KDM4C: variants seen among roughly 807,000 people sequenced by gnomAD.
The protein encoded by KDM4C is lysine-specific demethylase 4C.
In KDM4C, 81 loss-of-function variants were observed where a neutral mutation model predicts 129.3. The ratio of observed to expected loss-of-function variants is 0.63; its 90% CI spans 0.52 to 0.75. The LOEUF is 0.75. Among genes scored for constraint, KDM4C ranks in the 30% least tolerant of loss-of-function variants. The pLI is 0.00. For synonymous variants in KDM4C, 573 were observed against 456.1 expected (o/e 1.26, Z -3.26); for missense variants, 1,457 against 1,304.0 (o/e 1.12, Z -1.81).
intron 8 of KDM4C, among the ~76,000 whole-genome samples, chr9:6,942,282 A>AGTGTGTCTGT (rs1554657645): frequency 1.4e-4 from 20 of 142,712 alleles, no homozygotes; most frequent in African/African-American, 4.4e-4. Context: ...TAGCCCTCAA[A>AGTGTGTCTGT]GTGTGTGTGT....
intron 4 of KDM4C, among the ~76,000 whole-genome samples, chr9:6,844,033 C>G (rs944438846): frequency 2.0e-5 from 3 of 152,110 alleles, no homozygotes; most frequent in Admixed American, 1.3e-4. Context: ...TGAGGTCTCT[C>G]TCTTTATTGC....
At chr9:7,158,106 T>G (rs570199702) in intron 19 of KDM4C, among the ~76,000 whole-genome samples, 1 of 152,304 alleles carries the variant, frequency 6.6e-6, no homozygotes, top group Non-Finnish European at 1.5e-5. Context: ...GTCCAGGAAT[T>G]TATCCATTTC....
At chr9:7,115,675 C>G (rs1378126391) in intron 18 of KDM4C, among the ~76,000 whole-genome samples, 1 of 152,178 alleles carries the variant, frequency 6.6e-6, no homozygotes, top group Non-Finnish European at 1.5e-5. Context: ...GAAATAACTT[C>G]CAATATTTCT....
intron 5 of KDM4C, among the ~76,000 whole-genome samples, chr9:6,864,585 C>G (rs1249854480): frequency 6.6e-6 from 1 of 151,872 alleles, no homozygotes; most frequent in Non-Finnish European, 1.5e-5. Flanking sequence ...ATTCTGCTGC[C>G]TCAGCCCTCC....
chr9:6,806,648 A>G (rs189523198), intron 3 of KDM4C, among the ~76,000 whole-genome samples: 1 of 151,986 alleles, frequency 6.6e-6, no homozygotes, highest in Non-Finnish European at 1.5e-5. Context: ...TGGCTGGGCT[A>G]CAGTCATCTG....
chr9:7,166,354 G>A (rs1189299540), intron 20 of KDM4C, among the ~76,000 whole-genome samples: 1 of 152,172 alleles, frequency 6.6e-6, no homozygotes, highest in African/African-American at 2.4e-5. Flanking sequence ...GGTGTTCAAA[G>A]AAGTTTGAAA....
chr9:6,971,072 A>AT, intron 8 of KDM4C, among the ~76,000 whole-genome samples: 1 of 152,198 alleles, frequency 6.6e-6, no homozygotes, highest in Non-Finnish European at 1.5e-5. Context: ...ATTTAAAAAA[A>AT]TTTTTGTGCC....
upstream of KDM4C, chr9:6,757,592 C>G (rs1818434656): frequency 2.0e-6 from 2 of 979,300 alleles, no homozygotes; most frequent in Non-Finnish European, 2.4e-6. Flanking sequence ...CAGTACATTC[C>G]GAGGCTCCAC....
At chr9:6,947,532 G>A (rs1412508336) in intron 8 of KDM4C, among the ~76,000 whole-genome samples, 1 of 151,752 alleles carries the variant, frequency 6.6e-6, no homozygotes, top group African/African-American at 2.4e-5. Context: ...ATATTACAAT[G>A]TTATAGTCAT....
At chr9:7,063,636 A>G (rs1482908393) in intron 17 of KDM4C, among the ~76,000 whole-genome samples, 2 of 152,248 alleles carry the variant, frequency 1.3e-5, no homozygotes, top group African/African-American at 4.8e-5. Flanking sequence ...TAAACAGACA[A>G]TTGCACAGCA....
chr9:7,009,399 C>T (rs1301704372), intron 12 of KDM4C, among the ~76,000 whole-genome samples: 1 of 152,004 alleles, frequency 6.6e-6, no homozygotes, highest in Non-Finnish European at 1.5e-5. Context: ...TGCTCAAGTG[C>T]TTTTTTAAAG....
At chr9:6,776,340 T>C (rs1193170550) in intron 1 of KDM4C, among the ~76,000 whole-genome samples, 1 of 152,142 alleles carries the variant, frequency 6.6e-6, no homozygotes, top group Admixed American at 6.6e-5. Flanking sequence ...CTCGGCTTAC[T>C]GCAACCTCTG....
chr9:7,012,176 T>C (rs1383629053), intron 13 of KDM4C, among the ~76,000 whole-genome samples: 1 of 152,160 alleles, frequency 6.6e-6, no homozygotes, highest in Non-Finnish European at 1.5e-5. Context: ...AGGCGATCCC[T>C]CTGCCTCAGC....
intron 15 of KDM4C, among the ~76,000 whole-genome samples, chr9:7,028,240 A>G (rs1302267449): frequency 6.6e-6 from 1 of 152,040 alleles, no homozygotes; most frequent in Non-Finnish European, 1.5e-5. Flanking sequence ...CCCAAGGCTC[A>G]CGGGGTACCA....
chr9:6,833,963 C>G (rs536396816), intron 4 of KDM4C, among the ~76,000 whole-genome samples: 5 of 151,918 alleles, frequency 3.3e-5, no homozygotes, highest in African/African-American at 9.7e-5. Flanking sequence ...AAATATACCA[C>G]TATCTTCTTG....
intron 1 of KDM4C, among the ~76,000 whole-genome samples, chr9:6,761,264 C>G (rs1016010811): frequency 2.0e-5 from 3 of 152,102 alleles, no homozygotes; most frequent in African/African-American, 7.2e-5. Context: ...CCACCTTGGA[C>G]TCCCAAAGTG....
chr9:6,772,157 C>CT lies in KDM4C; in HGVS notation c.-18+13964dup, dbSNP rs1274248133. The stretch of plus-strand genomic sequence containing the variant: ...ATTCGTAGGAGAACAGTCTGTTTTT[C>CT]TTTTTTTTTTGAGACAGAGTCTCAC... On this transcript the variant is annotated intron_variant, in intron 1 of 21. Transcript: ENST00000381309. 3.5e-4 allele frequency among the ~76,000 whole-genome samples: 52 copies of CT among 149,190 alleles called. 3 individuals are homozygous for CT. The highest frequency in any genetic ancestry group is 1.6e-3 in the East Asian group (8 of 5,106).
intron 18 of KDM4C, among the ~76,000 whole-genome samples, chr9:7,108,792 A>G (rs897741367): frequency 3.3e-5 from 5 of 152,198 alleles, no homozygotes; most frequent in East Asian, 1.9e-4. Flanking sequence ...ATGTGGAAAG[A>G]TGGATGTTTG....
At chr9:6,834,176 C>A (rs927699715) in intron 4 of KDM4C, among the ~76,000 whole-genome samples, 1 of 151,506 alleles carries the variant, frequency 6.6e-6, no homozygotes, top group African/African-American at 2.4e-5. Flanking sequence ...AAAGCTGGGA[C>A]TACAGGCGTG....
Sources: allele counts gnomAD v4.1 joint callset (sites outside exome capture counted in the v4.1 genomes callset), GRCh38; gene constraint gnomAD v4.1.1; transcripts MANE v1.5; gene names NCBI Gene and HGNC (gene_info 2026-07-23, HGNC 2026-07-21).